Variants in STARD3NL observed in about 807,000 individuals in gnomAD.
STARD3NL encodes the protein STARD3 N-terminal like, also known as STARD3 N-terminal-like protein.
In STARD3NL, 17 loss-of-function variants were observed where a neutral mutation model predicts 30.9. The ratio of observed to expected loss-of-function variants is 0.55; its 90% CI spans 0.38 to 0.82. The LOEUF (loss-of-function observed/expected upper bound fraction) is 0.82. STARD3NL is among the 40% of genes least tolerant of loss of function. The pLI, the probability that STARD3NL is intolerant of heterozygous loss-of-function variation, is 0.00. For synonymous variants in STARD3NL, 112 were observed against 100.5 expected (o/e 1.11, Z -0.69); for missense variants, 234 against 277.6 (o/e 0.84, Z 1.12).
intron 7 of STARD3NL, among the ~76,000 whole-genome samples, chr7:38,227,225 G>C (rs1418570529): frequency 6.6e-6 from 1 of 152,164 alleles, no homozygotes; most frequent in Non-Finnish European, 1.5e-5. Flanking sequence ...ACTCACTGTG[G>C]TTTCAGTGCC....
chr7:38,184,299 C>T (rs558782456), intron 1 of STARD3NL, among the ~76,000 whole-genome samples: 5 of 152,082 alleles, frequency 3.3e-5, no homozygotes, highest in Admixed American at 6.6e-5. Context: ...GGCAGGATGG[C>T]GAAACTTCCT....
intron 1 of STARD3NL, among the ~76,000 whole-genome samples, chr7:38,182,485 T>C (rs538586262): frequency 4.2e-4 from 64 of 152,326 alleles, no homozygotes; most frequent in African/African-American, 1.3e-3. Context: ...CTTGCAGTGC[T>C]AGGCTAAGAA....
chr7:38,191,846 G>C (rs1359529703), intron 1 of STARD3NL, among the ~76,000 whole-genome samples: 3 of 151,626 alleles, frequency 2.0e-5, no homozygotes, highest in Non-Finnish European at 4.4e-5. Flanking sequence ...TTCCCAGATT[G>C]CTTTGGACAG....
At chr7:38,190,476 G>A (rs112731593) in intron 1 of STARD3NL, among the ~76,000 whole-genome samples, 2 of 152,252 alleles carry the variant, frequency 1.3e-5, no homozygotes, top group African/African-American at 2.4e-5. Flanking sequence ...TATATACTGT[G>A]TATAGATAAA....
chr7:38,200,928 A>G (rs1187391136), intron 1 of STARD3NL, among the ~76,000 whole-genome samples: 1 of 152,168 alleles, frequency 6.6e-6, no homozygotes, highest in Non-Finnish European at 1.5e-5. Flanking sequence ...TTTGAATAGT[A>G]TGTTTCTAAC....
intron 1 of STARD3NL, among the ~76,000 whole-genome samples, chr7:38,197,134 TTTTTTC>T (rs1554295445): frequency 7.9e-6 from 1 of 126,286 alleles, no homozygotes; most frequent in African/African-American, 2.9e-5. Context: ...TAGCATTACC[TTTTTTC>T]TTTCTTTCTT....
intron 6 of STARD3NL, 54 bp downstream of exon 6, chr7:38,217,359 G>A: frequency 1.3e-6 from 2 of 1,549,820 alleles, no homozygotes; most frequent in South Asian, 2.3e-5. Flanking sequence ...CAAGCTGGGA[G>A]GAAGAGATGT....
At chr7:38,206,462 G>T (rs368525878) in intron 1 of STARD3NL, among the ~76,000 whole-genome samples, 4 of 152,158 alleles carry the variant, frequency 2.6e-5, no homozygotes, top group Non-Finnish European at 4.4e-5. Context: ...ACCACACTTC[G>T]TTTAATGTCT....
At chr7:38,215,444 T>C in intron 4 of STARD3NL, 1 of 295,856 alleles carries the variant, frequency 3.4e-6, no homozygotes, top group Admixed American at 4.8e-5. Context: ...AAATGTCTTA[T>C]TTGGTTGAAA....
At chr7:38,201,084 C>T (rs1266305255) in intron 1 of STARD3NL, among the ~76,000 whole-genome samples, 2 of 152,118 alleles carry the variant, frequency 1.3e-5, no homozygotes, top group African/African-American at 4.8e-5. Context: ...ACATCTAGAC[C>T]AATTAATTCA....
In STARD3NL at chr7:38,227,537, GA is replaced by G. The variant is rs536617733; in HGVS notation, c.650-1253del. ...AATTCAGGTAGACATTCTCCTTAGG[GA>G]AAAAAAAATGTCCTTTTTAAAGTAT... On this transcript the variant is annotated intron_variant, in intron 7 of 8. Coordinates refer to ENST00000009041, the MANE Select transcript of STARD3NL (RefSeq NM_032016.4). Among the ~76,000 whole-genome samples the G allele has an allele frequency of 3.5e-3, 523 of 150,996 alleles. 1 individual carries two copies. The highest frequency in any genetic ancestry group is 5.5e-3 in the Non-Finnish European group (375 of 67,674).
chr7:38,191,403 A>G (rs932051137), intron 1 of STARD3NL, among the ~76,000 whole-genome samples: 13 of 152,322 alleles, frequency 8.5e-5, no homozygotes, highest in Middle Eastern at 3.4e-3. Context: ...CCCCTTCATG[A>G]CAGCCTACAC....
intron 6 of STARD3NL, among the ~76,000 whole-genome samples, chr7:38,218,945 G>A (rs367839091): frequency 1.3e-5 from 2 of 152,160 alleles, no homozygotes; most frequent in Non-Finnish European, 2.9e-5. Flanking sequence ...ACCAGATGTA[G>A]CCAGCAGACC....
intron 1 of STARD3NL, among the ~76,000 whole-genome samples, chr7:38,183,385 A>G (rs778872345): frequency 2.0e-5 from 3 of 152,210 alleles, no homozygotes; most frequent in African/African-American, 7.2e-5. Context: ...CCTACCCACT[A>G]GAAGCTAGTG....
chr7:38,192,927 A>G (rs1189623841), intron 1 of STARD3NL, among the ~76,000 whole-genome samples: 1 of 151,282 alleles, frequency 6.6e-6, no homozygotes, highest in African/African-American at 2.4e-5. Context: ...ATTTTCTTTC[A>G]GCTTACATTG....
At chr7:38,195,704 C>G (rs536974682) in intron 1 of STARD3NL, among the ~76,000 whole-genome samples, 11 of 152,142 alleles carry the variant, frequency 7.2e-5, no homozygotes, top group Non-Finnish European at 1.2e-4. Flanking sequence ...AGTGATGATA[C>G]AACCTTTCTA....
intron 6 of STARD3NL, 34 bp downstream of exon 6, chr7:38,217,339 G>T: frequency 6.3e-7 from 1 of 1,596,388 alleles, no homozygotes; most frequent in Admixed American, 1.7e-5. Context: ...TCCTGAGGCG[G>T]ACTGGATACC....
chr7:38,190,464 TG>T (rs1784639589), intron 1 of STARD3NL, among the ~76,000 whole-genome samples: 1 of 152,198 alleles, frequency 6.6e-6, no homozygotes, highest in African/African-American at 2.4e-5. Context: ...TGTGTATGTG[TG>T]TATATACTGT....
intron 6 of STARD3NL, among the ~76,000 whole-genome samples, chr7:38,217,622 C>G (rs1333904051): frequency 2.0e-5 from 3 of 152,206 alleles, no homozygotes; most frequent in African/African-American, 7.2e-5. Context: ...TTGTTCTTTT[C>G]TCCCTGTTAG....
Sources: allele counts gnomAD v4.1 joint callset (sites outside exome capture counted in the v4.1 genomes callset), GRCh38; gene constraint gnomAD v4.1.1; transcripts MANE v1.5; gene names NCBI Gene and HGNC (gene_info 2026-07-23, HGNC 2026-07-21).